Variants in PPP1R9A observed in about 807,000 individuals in gnomAD.
PPP1R9A encodes protein phosphatase 1 regulatory subunit 9A.
Under a neutral mutation model 141.9 loss-of-function variants are expected in PPP1R9A, and 59 were observed. That is an observed-to-expected ratio of 0.42 (90% CI 0.34 to 0.52). The LOEUF (loss-of-function observed/expected upper bound fraction) is 0.52. Among genes scored for constraint, PPP1R9A ranks in the 20% least tolerant of loss-of-function variants. The probability of loss-of-function intolerance (pLI) is 0.10; values close to 1 mark genes in which losing one functional copy is unlikely to be tolerated. For missense variants in PPP1R9A, 1,444 were observed against 1,611.9 expected (o/e 0.90, Z 1.78); for synonymous variants, 500 against 569.7 (o/e 0.88, Z 1.74).
chr7:95,046,331 T>C (rs778932794), intron 2 of PPP1R9A, among the ~76,000 whole-genome samples: 9 of 152,162 alleles, frequency 5.9e-5, no homozygotes, highest in Non-Finnish European at 1.3e-4. Context: ...GGACTTCAAG[T>C]GATCCATCTG....
At position 95,120,810 on chromosome 7, in the gene PPP1R9A, G is replaced by A; in HGVS notation, c.1627G>A (p.Gly543Ser). The change falls in exon 4 of 20, where the codon GGT becomes AGT. Residue 543 changes from glycine to serine, a missense_variant. By Grantham distance (56) the Gly-to-Ser change is moderately conservative (BLOSUM62 0). Coordinates refer to ENST00000433360, the MANE Select transcript of PPP1R9A (RefSeq NM_001166160.2). ...ATTCGTCAAGACAGTAACAGAAGGT[G>A]GTGCTGCTCAACGGGATGGCAGGTA... is the stretch of plus-strand genomic sequence containing the variant. ...GIFVKTVTEG[G>S]AAQRDGRIQV... is the part of the protein sequence containing the mutation. 6.2e-7 allele frequency: 1 copy of A among 1,613,748 alleles called. No individual in the cohort carries two copies. The highest frequency in any genetic ancestry group is 8.5e-7 in the Non-Finnish European group (1 of 1,179,816).
intron 6 of PPP1R9A, among the ~76,000 whole-genome samples, chr7:95,200,269 C>CT (rs761784471): frequency 0.091 from 13,152 of 143,972 alleles, 778 homozygotes; most frequent in Non-Finnish European, 0.14. Flanking sequence ...AAATTTTGCT[C>CT]TTTTTTTTTT....
intron 2 of PPP1R9A, among the ~76,000 whole-genome samples, chr7:95,068,435 A>C (rs1370044048): frequency 1.6e-5 from 2 of 125,302 alleles, no homozygotes; most frequent in African/African-American, 6.2e-5. Flanking sequence ...GCACCATTAC[A>C]CTCCAGCCTG....
chr7:94,972,885 G>A (rs980380199), intron 2 of PPP1R9A, among the ~76,000 whole-genome samples: 1 of 152,122 alleles, frequency 6.6e-6, no homozygotes, highest in African/African-American at 2.4e-5. Flanking sequence ...TTGTCAAAAA[G>A]TCATCCCATT....
At chr7:94,943,305 C>G (rs1795541360) in intron 2 of PPP1R9A, among the ~76,000 whole-genome samples, 1 of 152,194 alleles carries the variant, frequency 6.6e-6, no homozygotes, top group South Asian at 2.1e-4. Flanking sequence ...CTTTCTAAAT[C>G]TCTCCTAAAA....
Position 95,288,512 on chromosome 7 carries a change from C to T in PPP1R9A, c.3730-24C>T, listed in dbSNP as rs202168433. 1.9e-6 allele frequency: 3 copies of T among 1,609,666 alleles called. No individual in the cohort carries two copies. The East Asian group carries it at 6.7e-5, about 36-fold the overall frequency. On this transcript the variant is annotated intron_variant, in intron 18 of 19. Transcript: ENST00000433360. Reference sequence around the variant, plus strand: ...CCATAGTATCTTGGTCCTTTAACAACACTACGTAACATTCCTATCTTAGAT... The same window carrying T: ...CCATAGTATCTTGGTCCTTTAACAATACTACGTAACATTCCTATCTTAGAT...
intron 2 of PPP1R9A, among the ~76,000 whole-genome samples, chr7:94,995,349 A>G (rs1802039483): frequency 6.6e-6 from 1 of 151,956 alleles, no homozygotes. Flanking sequence ...TAGAGTTTTT[A>G]TAAAACTTGG....
chr7:95,120,676 G>A (rs1389664093), intron 3 of PPP1R9A, 36 bp from the exon 4 acceptor site: 5 of 1,604,104 alleles, frequency 3.1e-6, no homozygotes, highest in South Asian at 2.3e-5. Context: ...TAAAACTTAA[G>A]TTGTTTCACC....
chr7:95,132,943 T>C (rs2152534299), intron 4 of PPP1R9A, among the ~76,000 whole-genome samples: 1 of 152,330 alleles, frequency 6.6e-6, no homozygotes, highest in Admixed American at 6.5e-5. Context: ...ATGTTATACC[T>C]TCTTCGTGTT....
chr7:94,921,638 CA>C (rs997567937), intron 2 of PPP1R9A, among the ~76,000 whole-genome samples: 2 of 151,802 alleles, frequency 1.3e-5, no homozygotes, highest in African/African-American at 2.4e-5. Flanking sequence ...ACCCATTTCT[CA>C]GGGGGAAAGG....
chr7:95,157,813 G>A (rs949646093), intron 4 of PPP1R9A, among the ~76,000 whole-genome samples: 4 of 152,124 alleles, frequency 2.6e-5, no homozygotes, highest in African/African-American at 9.7e-5. Flanking sequence ...TGTGATTTAT[G>A]CCACTCTTAC....
intron 2 of PPP1R9A, among the ~76,000 whole-genome samples, chr7:95,026,270 C>T (rs541835533): frequency 6.6e-6 from 1 of 152,250 alleles, no homozygotes; most frequent in South Asian, 2.1e-4. Context: ...GTGTGCACAT[C>T]CTTTTTGTTG....
At chr7:95,087,116 A>G (rs1257958126) in intron 2 of PPP1R9A, among the ~76,000 whole-genome samples, 1 of 151,950 alleles carries the variant, frequency 6.6e-6, no homozygotes, top group Non-Finnish European at 1.5e-5. Flanking sequence ...TGAGTGTTCA[A>G]ATTATGGTAA....
chr7:94,966,828 A>T (rs1798270811), intron 2 of PPP1R9A, among the ~76,000 whole-genome samples: 2 of 152,198 alleles, frequency 1.3e-5, no homozygotes, highest in African/African-American at 4.8e-5. Flanking sequence ...TGCTGGCCTC[A>T]TAAAATGAGT....
intron 7 of PPP1R9A, among the ~76,000 whole-genome samples, chr7:95,215,730 G>A (rs1223265378): frequency 1.3e-5 from 2 of 152,188 alleles, no homozygotes; most frequent in South Asian, 2.1e-4. Flanking sequence ...CAGTGATGAT[G>A]AGCATTTTTT....
chr7:95,137,018 G>A (rs1825775347), intron 4 of PPP1R9A, among the ~76,000 whole-genome samples: 1 of 152,018 alleles, frequency 6.6e-6, no homozygotes, highest in African/African-American at 2.4e-5. Flanking sequence ...TTCAAGAAAA[G>A]GCTTTTGAAA....
At chr7:95,201,314 G>A (rs1163252845) in intron 6 of PPP1R9A, among the ~76,000 whole-genome samples, 1 of 152,248 alleles carries the variant, frequency 6.6e-6, no homozygotes, top group East Asian at 1.9e-4. Context: ...ATGGAAAAAA[G>A]TCAAGGAGAC....
intron 4 of PPP1R9A, among the ~76,000 whole-genome samples, chr7:95,157,150 C>T (rs992225674): frequency 5.3e-5 from 8 of 152,144 alleles, no homozygotes; most frequent in Admixed American, 3.3e-4. Flanking sequence ...GGCTTGACCC[C>T]GATTTGCTCC....
intron 2 of PPP1R9A, among the ~76,000 whole-genome samples, chr7:95,064,474 C>T (rs1354173538): frequency 3.3e-5 from 5 of 152,090 alleles, no homozygotes; most frequent in African/African-American, 1.2e-4. Flanking sequence ...GCAAAATCAC[C>T]AACAAAAAGC....
Sources: gnomAD v4.1 joint callset for allele counts (sites outside exome capture counted in the v4.1 genomes callset) on GRCh38, gnomAD v4.1.1 for gene constraint, MANE v1.5 for transcripts, NCBI Gene and HGNC (gene_info 2026-07-23, HGNC 2026-07-21) for gene names.